The following ZNF334 variants were observed in gnomAD, a reference collection of about 807,000 sequenced individuals.
ZNF334 encodes the protein zinc finger protein 334.
ZNF334 carries 14 observed loss-of-function variants against 12.4 expected under a neutral mutation model. That is an observed-to-expected ratio of 1.13 (90% CI 0.74 to 1.76). The LOEUF is 1.76. ZNF334 is among the 40% of genes most tolerant of loss of function. The pLI is 0.00. For synonymous variants in ZNF334, 273 were observed against 269.6 expected (o/e 1.01, Z -0.12); for missense variants, 797 against 804.5 (o/e 0.99, Z 0.11).
downstream of ZNF334, among the ~76,000 whole-genome samples, chr20:46,498,441 C>T (rs1010404580): frequency 3.3e-5 from 5 of 152,150 alleles, no homozygotes; most frequent in African/African-American, 1.2e-4. Context: ...CTCCTGCTAA[C>T]AGCTGTGGGA....
intron 3 of ZNF334, 142 bp from the exon 4 acceptor site, chr20:46,504,448 G>T: frequency 8.9e-7 from 1 of 1,128,038 alleles, no homozygotes; most frequent in Non-Finnish European, 1.3e-6. Flanking sequence ...TTGGTGAAGG[G>T]TAGGGGAAGG....
chr20:46,468,076 A>G, the ZNF334 span, among the ~76,000 whole-genome samples: 1 of 152,192 alleles, frequency 6.6e-6, no homozygotes, highest in Admixed American at 6.5e-5. Flanking sequence ...TGTACCTAAT[A>G]TTGATGTAGG....
At position 46,512,170 on chromosome 20, in the gene ZNF334, A is replaced by G. The variant is rs572317325; in HGVS notation, c.-38-30T>C. 9 of 1,577,710 alleles carry G rather than the reference A, an allele frequency of 5.7e-6. No individual in the cohort carries two copies. The East Asian group carries it at 2.0e-4, about 35-fold the overall frequency. ...GTAAGGAAGAATGGCGAATGGAATCATGAGCGATTTGGCTCACACAGCAGC... is the reference window on the plus strand; with the variant it reads ...GTAAGGAAGAATGGCGAATGGAATCGTGAGCGATTTGGCTCACACAGCAGC... On this transcript the variant is annotated intron_variant, in intron 1 of 4. Coordinates refer to ENST00000692313, the MANE Select transcript of ZNF334 (RefSeq NM_001353824.2).
chr20:46,497,113 CTT>C (rs2061037670), downstream of ZNF334, among the ~76,000 whole-genome samples: 1 of 152,182 alleles, frequency 6.6e-6, no homozygotes, highest in African/African-American at 2.4e-5. Flanking sequence ...AAGGAAATGA[CTT>C]TTGGGATCTG....
the ZNF334 span, among the ~76,000 whole-genome samples, chr20:46,480,791 ATCTT>A: frequency 6.6e-6 from 1 of 152,146 alleles, no homozygotes; most frequent in African/African-American, 2.4e-5. Flanking sequence ...ATCGGAGTTG[ATCTT>A]TCTGAGAAGG....
At chr20:46,476,032 TG>T in the ZNF334 span, among the ~76,000 whole-genome samples, 1 of 152,158 alleles carries the variant, frequency 6.6e-6, no homozygotes, top group Non-Finnish European at 1.5e-5. Context: ...TTTAAACAAA[TG>T]GCATACATCC....
intron 2 of ZNF334, among the ~76,000 whole-genome samples, chr20:46,511,302 G>A (rs1473381374): frequency 2.6e-5 from 4 of 151,874 alleles, no homozygotes; most frequent in African/African-American, 9.7e-5. Flanking sequence ...GACATTATCA[G>A]AGGTGCCTAT....
chr20:46,472,439 G>A, the ZNF334 span, among the ~76,000 whole-genome samples: 1 of 152,192 alleles, frequency 6.6e-6, no homozygotes, highest in Admixed American at 6.5e-5. Flanking sequence ...AATGGCAGGA[G>A]GTTAACATTT....
At chr20:46,476,095 T>C in the ZNF334 span, 2 of 152,192 alleles carry the variant, frequency 1.3e-5, no homozygotes, top group South Asian at 2.1e-4. Context: ...TCAATACATA[T>C]AGTGACTTGG....
the ZNF334 span, among the ~76,000 whole-genome samples, chr20:46,475,180 A>G: frequency 2.6e-5 from 4 of 152,236 alleles, no homozygotes; most frequent in African/African-American, 4.8e-5. Flanking sequence ...ATAAATATGG[A>G]GTAAATCACA....
chr20:46,474,243 T>G, the ZNF334 span, among the ~76,000 whole-genome samples: 1 of 151,940 alleles, frequency 6.6e-6, no homozygotes, highest in Non-Finnish European at 1.5e-5. Context: ...TGTGGTGGCA[T>G]GTGCCTGTAA....
At chr20:46,512,190 A>G (rs2061676453) in intron 1 of ZNF334, 50 bp from the exon 2 acceptor site, 17 of 1,421,054 alleles carry the variant, frequency 1.2e-5, no homozygotes, top group Non-Finnish European at 1.7e-5. Flanking sequence ...TGGCTCACAC[A>G]GCAGCTCTAC....
At chr20:46,480,837 G>A in the ZNF334 span, among the ~76,000 whole-genome samples, 203 of 152,254 alleles carry the variant, frequency 1.3e-3, 2 homozygotes, top group African/African-American at 4.0e-3. Context: ...TGGGTGGCAG[G>A]GAAAGTTTTG....
the ZNF334 span, chr20:46,492,333 A>G: frequency 6.5e-6 from 1 of 152,872 alleles, no homozygotes; most frequent in Non-Finnish European, 1.5e-5. Context: ...AAAGCCTTTA[A>G]ATATCAGTCA....
At chr20:46,465,707 C>T in the ZNF334 span, among the ~76,000 whole-genome samples, 6 of 152,008 alleles carry the variant, frequency 3.9e-5, no homozygotes, top group South Asian at 8.3e-4. Context: ...CCTGTCCCAG[C>T]ACTTTGGGAG....
At chr20:46,506,275 C>T (rs2061427237) in intron 2 of ZNF334, 1 of 530,974 alleles carries the variant, frequency 1.9e-6, no homozygotes, top group African/African-American at 2.0e-5. Context: ...GTGAAAAAAG[C>T]AAAGTATTAA....
Position 46,503,064 on chromosome 20 carries a change from A to T in ZNF334, c.275T>A (p.Ile92Asn). 1 of 1,608,730 alleles carries T rather than the reference A, an allele frequency of 6.2e-7. No homozygotes were observed. Among genetic ancestry groups the T allele is most frequent in the Non-Finnish European group, 8.5e-7 (1 of 1,177,618 alleles). ...AGTTTGTGTCAAATGTTTATCTTGGATTTCCTTGTTCTTCTCTAAGGCATC... is the reference window on the plus strand; with the variant it reads ...AGTTTGTGTCAAATGTTTATCTTGGTTTTCCTTGTTCTTCTCTAAGGCATC... ...IDDALEKNKE[I>N]QDKHLTQTVF... Residue 92 changes from isoleucine to asparagine, a missense_variant, in exon 5 of 5, where the codon ATC becomes AAC. Coordinates refer to ENST00000692313, the MANE Select transcript of ZNF334 (RefSeq NM_001353824.2).
rs934841220 is a variant in ZNF334, at chr20:46,501,110, T to A, written c.*186A>T. The A allele has an allele frequency of 1.5e-4, 99 of 662,154 alleles. No individual in the cohort carries two copies. Among genetic ancestry groups the A allele is most frequent in the Non-Finnish European group, 2.0e-4 (83 of 414,832 alleles). 41.0% of individuals were successfully genotyped at this position (662,154 alleles called of 1,614,324 possible). A position where few individuals can be genotyped will look rare whatever the true frequency, so the allele number is the denominator to read the frequency against. On this transcript the variant is annotated 3_prime_UTR_variant, in exon 5 of 5. Transcript: ENST00000692313. ...CATAGTTCACAATGAATAATACATT[T>A]ATTAAACAAATTATTTCTTTCCTAC...
the ZNF334 span, among the ~76,000 whole-genome samples, chr20:46,494,538 G>A: frequency 1.9e-4 from 29 of 152,134 alleles, no homozygotes; most frequent in Non-Finnish European, 4.4e-5. Flanking sequence ...AGCCAAAAAT[G>A]CAACTGAAAT....
Sources: gnomAD v4.1 joint callset for allele counts (sites outside exome capture counted in the v4.1 genomes callset) on GRCh38, gnomAD v4.1.1 for gene constraint, MANE v1.5 for transcripts, NCBI Gene and HGNC (gene_info 2026-07-23, HGNC 2026-07-21) for gene names.